Variants in ANKS1A observed in about 807,000 individuals in gnomAD.
The protein encoded by ANKS1A is ankyrin repeat and sterile alpha motif domain containing 1A.
In ANKS1A, 55 loss-of-function variants were observed where a neutral mutation model predicts 120.3. The ratio of observed to expected loss-of-function variants is 0.46; its 90% CI spans 0.37 to 0.57. The LOEUF is 0.57. ANKS1A is among the 20% of genes least tolerant of loss of function. ANKS1A has a pLI of 0.00. For synonymous variants in ANKS1A, 590 were observed against 604.7 expected, an observed-to-expected ratio of 0.98 and a Z score of 0.36; for missense variants, 1,123 against 1,480.3, an observed-to-expected ratio of 0.76 and a Z score of 3.96.
intron 11 of ANKS1A, among the ~76,000 whole-genome samples, chr6:35,025,286 G>A (rs1251952504): frequency 6.6e-6 from 1 of 150,570 alleles, no homozygotes; most frequent in Non-Finnish European, 1.5e-5. Context: ...ATATGTATGC[G>A]ATGTGTGTGT....
intron 1 of ANKS1A, among the ~76,000 whole-genome samples, chr6:34,900,774 T>C (rs1402427442): frequency 1.3e-5 from 2 of 152,120 alleles, no homozygotes; most frequent in Non-Finnish European, 2.9e-5. Context: ...TGGGACTTCT[T>C]CCTTTTACCC....
intron 1 of ANKS1A, among the ~76,000 whole-genome samples, chr6:34,912,404 C>T (rs1056309287): frequency 2.0e-5 from 3 of 152,100 alleles, no homozygotes; most frequent in Non-Finnish European, 2.9e-5. Context: ...TTAGAAGGGA[C>T]GGGTGGTCCT....
rs935227491 is a variant in ANKS1A at position 35,060,351 on chromosome 6, G to A, written c.2184+98G>A. 5.7e-5 allele frequency: 60 copies of A among 1,043,824 alleles called. No homozygotes were observed. The East Asian group carries it at 1.1e-3, about 20-fold the overall frequency. The allele number at this position is 1,043,824 out of a possible 1,614,324, so 64.7% of individuals were successfully genotyped here. On this transcript the variant is annotated intron_variant, in intron 13 of 23. Transcript: ENST00000360359. The surrounding 1 kb of genome is among the most constrained non-coding windows in gnomAD (Gnocchi z 4.5). Reference sequence around the variant, plus strand: ...GCCCCACAGGAGTCTGCAACAGTACGTAGACCCAAATCCCAGGGAAAGCTC... The same window carrying A: ...GCCCCACAGGAGTCTGCAACAGTACATAGACCCAAATCCCAGGGAAAGCTC...
intron 10 of ANKS1A, among the ~76,000 whole-genome samples, chr6:35,017,210 G>A (rs930296174): frequency 1.3e-5 from 2 of 152,102 alleles, no homozygotes; most frequent in African/African-American, 4.8e-5. Flanking sequence ...AACAGGGAAG[G>A]CTGCCAGATA....
chr6:35,010,436 G>A (rs958697356), intron 10 of ANKS1A, among the ~76,000 whole-genome samples: 4 of 152,196 alleles, frequency 2.6e-5, no homozygotes, highest in African/African-American at 9.7e-5. Context: ...GCATGGGAAG[G>A]AAGAAAGGGG....
At chr6:34,901,402 T>A (rs1767343584) in intron 1 of ANKS1A, among the ~76,000 whole-genome samples, 1 of 152,218 alleles carries the variant, frequency 6.6e-6, no homozygotes, top group Non-Finnish European at 1.5e-5. Context: ...TCCATAATCC[T>A]TGGTACTTTA....
At chr6:34,962,497 C>T (rs2127502287) in intron 1 of ANKS1A, among the ~76,000 whole-genome samples, 1 of 152,198 alleles carries the variant, frequency 6.6e-6, no homozygotes, top group East Asian at 1.9e-4. Context: ...CACTTAAAAA[C>T]CAACTCTTGG....
In ANKS1A at chr6:35,079,528, G is replaced by A. The variant is rs776538903; in HGVS notation, c.2296G>A (p.Gly766Ser). 5.6e-6 allele frequency: 9 copies of A among 1,613,678 alleles called. No individual in the cohort carries two copies. In the South Asian group the frequency reaches 8.8e-5, roughly 16 times the overall value. Residue 766 changes from glycine (G) to serine (S), a missense_variant, in exon 15 of 24, where the codon GGT becomes AGT. Coordinates refer to ENST00000360359, the MANE Select transcript of ANKS1A (RefSeq NM_015245.3). ...CCTTGCCCTGTAGGTGAAGGCTCTGGGTTATGACGGGAACAGCCCCCCTAG... is the reference window on the plus strand; with the variant it reads ...CCTTGCCCTGTAGGTGAAGGCTCTGAGTTATGACGGGAACAGCCCCCCTAG... Reference protein sequence around the residue: ...ARSLPKVKALGYDGNSPPSVP... With the variant: ...ARSLPKVKALSYDGNSPPSVP...
chr6:35,088,688 C>T lies in ANKS1A; in HGVS notation c.*79C>T. The T allele has an allele frequency of 6.2e-7, 1 of 1,613,234 alleles. No homozygotes were observed. The highest frequency in any genetic ancestry group is 1.3e-5 in the African/African-American group (1 of 75,054). On this transcript the variant is annotated 3_prime_UTR_variant, in exon 24 of 24. Coordinates refer to ENST00000360359, the MANE Select transcript of ANKS1A (RefSeq NM_015245.3). ...CCCACTGCCACCACCGCCATCGCCT[C>T]ACCTGCAGCTCTGAAGACCCAGGCC...
intron 1 of ANKS1A, among the ~76,000 whole-genome samples, chr6:34,952,802 C>T (rs974432792): frequency 6.6e-6 from 1 of 151,908 alleles, no homozygotes; most frequent in Admixed American, 6.6e-5. Flanking sequence ...CTCCACCTCC[C>T]GGGTTCAAGT....
At chr6:35,052,063 C>T (rs1226975631) in intron 11 of ANKS1A, among the ~76,000 whole-genome samples, 2 of 152,104 alleles carry the variant, frequency 1.3e-5, no homozygotes, top group Admixed American at 1.3e-4. Context: ...ACCTGTAGTC[C>T]CAGCACTTTG....
chr6:34,997,893 G>C (rs905468661), intron 10 of ANKS1A, among the ~76,000 whole-genome samples: 1 of 152,186 alleles, frequency 6.6e-6, no homozygotes, highest in Admixed American at 6.5e-5. Context: ...AGGACTTTTG[G>C]CTACACATCT....
Position 35,083,311 on chromosome 6 carries a change from C to G in ANKS1A, c.2907+85C>G. On this transcript the variant is annotated intron_variant, in intron 19 of 23. Coordinates refer to ENST00000360359, the MANE Select transcript of ANKS1A (RefSeq NM_015245.3). Reference sequence around the variant, plus strand: ...GGGGCAGTAGCTGCAGTTGCCTGGGCCCTGCTGCACTATGTAAGGATGGGA... The same window carrying G: ...GGGGCAGTAGCTGCAGTTGCCTGGGGCCTGCTGCACTATGTAAGGATGGGA... 2.5e-6 allele frequency: 4 copies of G among 1,589,908 alleles called. No homozygotes were observed. In the South Asian group the frequency reaches 4.4e-5, roughly 18 times the overall value.
chr6:34,975,071 A>C (rs561629629), intron 3 of ANKS1A, among the ~76,000 whole-genome samples: 2 of 152,366 alleles, frequency 1.3e-5, no homozygotes, highest in Admixed American at 6.5e-5. Flanking sequence ...AAATAAAATT[A>C]GTTTAAATGT....
At chr6:34,972,229 G>A (rs967290200) in intron 3 of ANKS1A, among the ~76,000 whole-genome samples, 1 of 152,116 alleles carries the variant, frequency 6.6e-6, no homozygotes, top group African/African-American at 2.4e-5. Flanking sequence ...TGGAGTATCA[G>A]TTGATAAGTG....
Position 35,084,944 on chromosome 6 carries a change from C to T in ANKS1A, c.3132+686C>T, listed in dbSNP as rs1370418857. Among the ~76,000 whole-genome samples the T allele has an allele frequency of 2.0e-5, 3 of 152,300 alleles. No individual in the cohort carries two copies. Among genetic ancestry groups the T allele is most frequent in the East Asian group, 3.9e-4 (2 of 5,164 alleles). ...TGAGAGTGGCCCCAGGCTGCTTCCT[C>T]ACCCCGGGAGGAAGTCAGAGGGGTC... On this transcript the variant is annotated intron_variant, in intron 21 of 23. Coordinates refer to ENST00000360359, the MANE Select transcript of ANKS1A (RefSeq NM_015245.3). This position sits in a 1 kb window ranked among gnomAD's most constrained non-coding sequence, Gnocchi z 4.8.
In ANKS1A at chr6:35,017,799, TTGAC is replaced by T; in HGVS notation, c.1752_1755del (p.Leu584PhefsTer47). ...CAACAGCCGCTCGCACCCTGAAACTTTGACTCACACAGCATCTCCGCACCCTGGT... is the reference window on the plus strand; with the variant it reads ...CAACAGCCGCTCGCACCCTGAAACTTTCACACAGCATCTCCGCACCCTGGT... On this transcript the variant is annotated frameshift_variant, in exon 11 of 24. Transcript: ENST00000360359. LOFTEE classifies it high-confidence loss of function. 6.2e-7 allele frequency: 1 copy of T among 1,614,146 alleles called. No individual in the cohort carries two copies. The highest frequency in any genetic ancestry group is 8.5e-7 in the Non-Finnish European group (1 of 1,180,018).
intron 11 of ANKS1A, 65 bp downstream of exon 11, chr6:35,018,124 C>T: frequency 6.7e-7 from 1 of 1,495,694 alleles, no homozygotes; most frequent in East Asian, 2.3e-5. Context: ...ACCACAGCTC[C>T]CGTGAGTGCC....
chr6:35,064,336 G>A (rs1776657448), intron 13 of ANKS1A, among the ~76,000 whole-genome samples: 1 of 152,190 alleles, frequency 6.6e-6, no homozygotes, highest in Non-Finnish European at 1.5e-5. Flanking sequence ...AATGGATACT[G>A]AGTCGGCCAG....
Sources: allele counts gnomAD v4.1 joint callset (sites outside exome capture counted in the v4.1 genomes callset), GRCh38; gene constraint gnomAD v4.1.1; non-coding constraint Gnocchi (gnomAD v3.1); transcripts MANE v1.5; gene names NCBI Gene and HGNC (gene_info 2026-07-23, HGNC 2026-07-21).